The following TOMM20L variants were observed in gnomAD, a reference collection of about 807,000 sequenced individuals.
TOMM20L encodes TOMM20-like protein 1.
A neutral mutation model predicts 20.4 loss-of-function variants in TOMM20L; 19 were observed. The ratio of observed to expected loss-of-function variants is 0.93; its 90% CI spans 0.65 to 1.36. The LOEUF is 1.36. Among genes scored for constraint, TOMM20L ranks in the 40% most tolerant of loss-of-function variants. The pLI is 0.00. For synonymous variants in TOMM20L, 75 were observed against 79.6 expected, an observed-to-expected ratio of 0.94 and a Z score of 0.30; for missense variants, 218 against 203.7, an observed-to-expected ratio of 1.07 and a Z score of -0.43.
the TOMM20L span, among the ~76,000 whole-genome samples, chr14:58,413,967 A>G: frequency 8.0e-6 from 1 of 124,802 alleles, no homozygotes; most frequent in East Asian, 2.9e-4. Context: ...AGATTGCACC[A>G]CTGCACTCCG....
chr14:58,411,598 G>GCCACGATCTCTGCACT (rs2036218843), downstream of TOMM20L, among the ~76,000 whole-genome samples: 1 of 151,612 alleles, frequency 6.6e-6, no homozygotes, highest in South Asian at 2.1e-4. Flanking sequence ...GGAGTGCAAT[G>GCCACGATCTCTGCACT]CCACGATCTC....
chr14:58,408,654 A>G lies in TOMM20L; in HGVS notation c.*72A>G. ...ATACAGTATAAACAACTGCTCAGTG[A>G]TATTTCCATTTATTTTACTTTGAGT... On this transcript the variant is annotated 3_prime_UTR_variant, in exon 5 of 5. Coordinates refer to ENST00000360945, the MANE Select transcript of TOMM20L (RefSeq NM_207377.3). 4 of 1,406,178 alleles carry G rather than the reference A, an allele frequency of 2.8e-6. No homozygotes were observed. Among genetic ancestry groups the G allele is most frequent in the Non-Finnish European group, 3.9e-6 (4 of 1,025,626 alleles). 87.1% of individuals were successfully genotyped at this position (1,406,178 alleles called of 1,614,324 possible).
At chr14:58,402,658 G>A (rs755359426) in intron 2 of TOMM20L, 22 bp from the exon 3 acceptor site, 4 of 1,570,852 alleles carry the variant, frequency 2.5e-6, no homozygotes, top group South Asian at 2.2e-5. Flanking sequence ...ACTCATTGTT[G>A]AATATTTTAT....
chr14:58,408,438 G>T, intron 4 of TOMM20L, 91 bp from the exon 5 acceptor site: 11 of 1,080,106 alleles, frequency 1.0e-5, no homozygotes, highest in Non-Finnish European at 1.5e-5. Flanking sequence ...AAAAAGAAAA[G>T]TATATGTAAT....
At chr14:58,404,342 G>T in intron 3 of TOMM20L, among the ~76,000 whole-genome samples, 1 of 147,802 alleles carries the variant, frequency 6.8e-6, no homozygotes, top group Non-Finnish European at 1.5e-5. Context: ...TTTTAGCCGG[G>T]ATGGTCTCGA....
downstream of TOMM20L, chr14:58,410,919 G>A (rs765938914): frequency 6.2e-7 from 1 of 1,612,440 alleles, no homozygotes; most frequent in East Asian, 2.2e-5. Flanking sequence ...TTTATTGTAG[G>A]TCCCCAGAAA....
intron 4 of TOMM20L, 137 bp from the exon 5 acceptor site, chr14:58,408,392 G>C (rs371332500): frequency 2.8e-6 from 2 of 707,004 alleles, no homozygotes. Flanking sequence ...ACTCCATCCT[G>C]GGTGACGAAA....
intron 3 of TOMM20L, among the ~76,000 whole-genome samples, chr14:58,404,699 T>C (rs1298576779): frequency 1.3e-5 from 2 of 152,126 alleles, no homozygotes; most frequent in Non-Finnish European, 2.9e-5. Flanking sequence ...ATCACTGTAA[T>C]TTGTATTTTA....
At chr14:58,412,246 A>C (rs950829336), downstream of TOMM20L, 3 of 305,702 alleles carry the variant, frequency 9.8e-6, no homozygotes, top group Non-Finnish European at 1.2e-5. Context: ...GGTTCAAGCA[A>C]TTCTCCTGCC....
downstream of TOMM20L, among the ~76,000 whole-genome samples, chr14:58,409,934 T>C (rs1229590102): frequency 2.0e-5 from 3 of 152,100 alleles, no homozygotes; most frequent in Non-Finnish European, 2.9e-5. Flanking sequence ...TGGAGTGCAG[T>C]GCCTCACTGT....
chr14:58,402,762 G>C lies in TOMM20L; in HGVS notation c.262+1G>C. On this transcript the variant is annotated splice_donor_variant, in intron 3 of 4. Transcript: ENST00000360945. LOFTEE classifies it high-confidence loss of function. ...ATGGGAGAACTTTGGTTATCTAGAGGTAAGAATGTAAATGTTCTTTTGTGA... is the reference window on the plus strand; with the variant it reads ...ATGGGAGAACTTTGGTTATCTAGAGCTAAGAATGTAAATGTTCTTTTGTGA... 6.2e-7 allele frequency: 1 copy of C among 1,605,862 alleles called. No homozygotes were observed. Among genetic ancestry groups the C allele is most frequent in the Non-Finnish European group, 8.5e-7 (1 of 1,173,008 alleles).
chr14:58,399,082 C>T (rs1205815918), intron 2 of TOMM20L, among the ~76,000 whole-genome samples: 27 of 152,070 alleles, frequency 1.8e-4, no homozygotes, highest in East Asian at 1.9e-4. Context: ...AGATGGGTTT[C>T]GCAACATTGC....
intron 4 of TOMM20L, 71 bp from the exon 5 acceptor site, chr14:58,408,458 G>T: frequency 7.2e-7 from 1 of 1,386,920 alleles, no homozygotes; most frequent in Non-Finnish European, 1.0e-6. Context: ...TGCCCACCCT[G>T]ACACAAGGGA....
At chr14:58,405,368 A>C (rs138866800) in intron 3 of TOMM20L, among the ~76,000 whole-genome samples, 51 of 152,342 alleles carry the variant, frequency 3.3e-4, no homozygotes, top group Middle Eastern at 3.4e-3. Context: ...CAGAAGAAAA[A>C]AGATGATAAC....
rs763029164 is a variant in TOMM20L, at chr14:58,408,553, C to T, written c.430C>T (p.Gln144Ter). The T allele has an allele frequency of 1.5e-5, 25 of 1,613,802 alleles. No homozygotes were observed. The highest frequency in any genetic ancestry group is 3.3e-5 in the Admixed American group (2 of 59,950). Residue 144 changes from glutamine (Q) to a stop codon, truncating the protein, a stop_gained, in exon 5 of 5, where the codon CAG becomes TAG. Coordinates refer to ENST00000360945, the MANE Select transcript of TOMM20L (RefSeq NM_207377.3). LOFTEE classifies it high-confidence loss of function. ...GCAATTTGAGGCAGACATGAATGAA[C>T]AGGACTGCTTGGAGGATGATCCTGA... Reference protein sequence around the residue: ...CQQFEADMNEQDCLEDDPD With the variant: ...CQQFEADMNE
At chr14:58,397,439 G>A (rs2035942270) in intron 2 of TOMM20L, among the ~76,000 whole-genome samples, 1 of 152,216 alleles carries the variant, frequency 6.6e-6, no homozygotes, top group Non-Finnish European at 1.5e-5. Context: ...GGGATGGCAA[G>A]GTTTTGAAAG....
downstream of TOMM20L, among the ~76,000 whole-genome samples, chr14:58,411,117 A>G (rs1395901443): frequency 6.6e-6 from 1 of 152,208 alleles, no homozygotes; most frequent in African/African-American, 2.4e-5. Context: ...TTCTAGTTGA[A>G]TATTTAATTT....
intron 2 of TOMM20L, among the ~76,000 whole-genome samples, chr14:58,398,049 A>C (rs2035949178): frequency 6.6e-6 from 1 of 152,164 alleles, no homozygotes; most frequent in Non-Finnish European, 1.5e-5. Flanking sequence ...ATCACAGTAG[A>C]GAATAAAAGC....
chr14:58,399,516 G>A (rs1303675879), intron 2 of TOMM20L, among the ~76,000 whole-genome samples: 1 of 152,082 alleles, frequency 6.6e-6, no homozygotes, highest in East Asian at 1.9e-4. Flanking sequence ...CCAAGAAACT[G>A]CAGTTTTAAC....
Sources: gnomAD v4.1 joint callset for allele counts (sites outside exome capture counted in the v4.1 genomes callset) on GRCh38, gnomAD v4.1.1 for gene constraint, MANE v1.5 for transcripts, NCBI Gene and HGNC (gene_info 2026-07-23, HGNC 2026-07-21) for gene names.